Variants in DAPK3 observed in about 807,000 individuals in gnomAD.
DAPK3 encodes the protein death associated protein kinase 3, also known as death-associated protein kinase 3.
A neutral mutation model predicts 30.6 loss-of-function variants in DAPK3; 24 were observed. The ratio of observed to expected loss-of-function variants is 0.78; its 90% confidence interval spans 0.57 to 1.10. The LOEUF is 1.10. DAPK3 is among the 50% of genes least tolerant of loss of function. The probability of loss-of-function intolerance (pLI) is 0.00; values close to 1 mark genes in which losing one functional copy is unlikely to be tolerated. For missense variants in DAPK3, 629 were observed against 657.3 expected, an observed-to-expected ratio of 0.96 and a Z score of 0.47; for synonymous variants, 341 against 284.0, an observed-to-expected ratio of 1.20 and a Z score of -2.02.
At chr19:3,963,787 A>T (rs947398683) in intron 5 of DAPK3, 84 bp downstream of exon 5, 47 of 1,233,796 alleles carry the variant, frequency 3.8e-5, no homozygotes, top group Non-Finnish European at 5.4e-5. Context: ...AACAGCAGCA[A>T]GGCCCCGCTT....
Position 3,969,777 on chromosome 19 carries a change from G to A in DAPK3, c.-42C>T. ...TCCAGCAGCTTCCACTCCAGGGAAA[G>A]TGCAGTCACCGCAGCCTGGAGATAG... On this transcript the variant is annotated 5_prime_UTR_variant, in exon 2 of 9. Coordinates refer to ENST00000545797, the MANE Select transcript of DAPK3 (RefSeq NM_001348.3). 2 of 1,494,758 alleles carry A rather than the reference G, an allele frequency of 1.3e-6. No homozygotes were observed. Among genetic ancestry groups the A allele is most frequent in the Non-Finnish European group, 9.3e-7 (1 of 1,074,838 alleles). 92.6% of individuals were successfully genotyped at this position (1,494,758 alleles called of 1,614,324 possible). A position where few individuals can be genotyped will look rare whatever the true frequency, so the allele number is the denominator to read the frequency against.
chr19:3,964,399 G>T, intron 3 of DAPK3, 26 bp from the exon 4 acceptor site: 1 of 1,602,178 alleles, frequency 6.2e-7, no homozygotes. Context: ...GCTCAGCAGG[G>T]AAAGCACGGG....
intron 6 of DAPK3, 122 bp from the exon 7 acceptor site, chr19:3,961,283 TCA>T: frequency 1.3e-6 from 1 of 799,802 alleles, no homozygotes; most frequent in Non-Finnish European, 2.1e-6. Context: ...CCTGGGCCAC[TCA>T]CACTCCTGAG....
chr19:3,958,871 G>A lies in DAPK3; in HGVS notation c.*230C>T, dbSNP rs1279429222. On this transcript the variant is annotated 3_prime_UTR_variant, in exon 9 of 9. Transcript: ENST00000545797. ...GTCCCAGGGTCACCGACGATGCAGGGGTGAAGGTGAAGGCCAGCGTGGAGG... is the reference window on the plus strand; with the variant it reads ...GTCCCAGGGTCACCGACGATGCAGGAGTGAAGGTGAAGGCCAGCGTGGAGG... 1.7e-6 allele frequency: 1 copy of A among 582,034 alleles called. No homozygotes were observed. Among genetic ancestry groups the A allele is most frequent in the Non-Finnish European group, 3.0e-6 (1 of 328,066 alleles). The allele number at this position is 582,034 out of a possible 1,614,324, so 36.1% of individuals were successfully genotyped here. A position where few individuals can be genotyped will look rare whatever the true frequency, so the allele number is the denominator to read the frequency against.
chr19:3,963,870 C>T lies in DAPK3; in HGVS notation c.602+1G>A, dbSNP rs1282474272. ...CCGGTGGGAGCAGGTGGTACACTCA[C>T]CACATGTCCGCCTCCAGGCCCAGCG... On this transcript the variant is annotated splice_donor_variant, in intron 5 of 8. Coordinates refer to ENST00000545797, the MANE Select transcript of DAPK3 (RefSeq NM_001348.3). LOFTEE classifies it high-confidence loss of function. 2 of 1,589,204 alleles carry T rather than the reference C, an allele frequency of 1.3e-6. No individual in the cohort carries two copies. Among genetic ancestry groups the T allele is most frequent in the African/African-American group, 1.3e-5 (1 of 74,346 alleles).
At chr19:3,968,241 T>C (rs867950789) in intron 2 of DAPK3, among the ~76,000 whole-genome samples, 2 of 152,158 alleles carry the variant, frequency 1.3e-5, no homozygotes, top group Non-Finnish European at 2.9e-5. Flanking sequence ...ACGCCTGTGA[T>C]CCCAGCACTT....
rs2039470144 is a variant in DAPK3 at position 3,958,975 on chromosome 19, G to A, written c.*126C>T. ...GCCTGGCTCCAGCTCCTCCCACTCCGCCTCCAGCCTGGTGGCGCTGGGCAA... is the reference window on the plus strand; with the variant it reads ...GCCTGGCTCCAGCTCCTCCCACTCCACCTCCAGCCTGGTGGCGCTGGGCAA... On this transcript the variant is annotated 3_prime_UTR_variant, in exon 9 of 9. Transcript: ENST00000545797. 4.7e-6 allele frequency: 3 copies of A among 637,796 alleles called. No homozygotes were observed. Among genetic ancestry groups the A allele is most frequent in the Non-Finnish European group, 2.6e-6 (1 of 380,946 alleles). 39.5% of individuals were successfully genotyped at this position (637,796 alleles called of 1,614,324 possible).
chr19:3,968,955 G>A (rs758250107), intron 2 of DAPK3, among the ~76,000 whole-genome samples: 53 of 152,224 alleles, frequency 3.5e-4, no homozygotes, highest in Non-Finnish European at 7.1e-4. Flanking sequence ...GCCCAGACAG[G>A]CAGGAAATCA....
At chr19:3,964,098 A>C in intron 4 of DAPK3, 146 bp downstream of exon 4, 2 of 851,454 alleles carry the variant, frequency 2.3e-6, no homozygotes, top group South Asian at 1.7e-5. Flanking sequence ...ATGGAGGCCC[A>C]GACCTCCCGC....
intron 2 of DAPK3, among the ~76,000 whole-genome samples, chr19:3,968,956 C>T (rs1226939606): frequency 2.0e-5 from 3 of 152,190 alleles, no homozygotes; most frequent in Non-Finnish European, 4.4e-5. Flanking sequence ...CCCAGACAGG[C>T]AGGAAATCAG....
Position 3,959,121 on chromosome 19 carries a change from C to T in DAPK3, c.1345G>A (p.Val449Met), listed in dbSNP as rs1435109615. ...RALEQEKLQGVECGLR is the reference protein window; with the variant it reads ...RALEQEKLQGMECGLR Reference sequence around the variant, plus strand: ...TGCGCCTAGCGCAGCCCGCACTCCACGCCCTGCAGCTTCTCCTGCTCCAGG... The same window carrying T: ...TGCGCCTAGCGCAGCCCGCACTCCATGCCCTGCAGCTTCTCCTGCTCCAGG... The change falls in exon 9 of 9, where the codon GTG becomes ATG. Residue 449 changes from valine (V) to methionine (M), a missense_variant. Coordinates refer to ENST00000545797, the MANE Select transcript of DAPK3 (RefSeq NM_001348.3). 2 of 1,565,626 alleles carry T rather than the reference C, an allele frequency of 1.3e-6. No individual in the cohort carries two copies. Among genetic ancestry groups the T allele is most frequent in the Non-Finnish European group, 8.6e-7 (1 of 1,159,890 alleles).
chr19:3,970,039 C>T (rs1421285057), intron 1 of DAPK3: 1 of 403,896 alleles, frequency 2.5e-6, no homozygotes, highest in East Asian at 4.2e-5. Flanking sequence ...TTGGTAACAG[C>T]CCCACTGGGC....
chr19:3,967,684 G>A (rs942668801), intron 2 of DAPK3, among the ~76,000 whole-genome samples: 5 of 152,218 alleles, frequency 3.3e-5, no homozygotes, highest in African/African-American at 9.6e-5. Context: ...GAACCCGGGA[G>A]GCGAAGATTG....
chr19:3,965,355 G>A (rs529569568), intron 2 of DAPK3, among the ~76,000 whole-genome samples: 13 of 152,304 alleles, frequency 8.5e-5, no homozygotes, highest in African/African-American at 3.1e-4. Context: ...GGTGGCTCAC[G>A]CCTGTAATCC....
In DAPK3 at chr19:3,965,846, TG is replaced by T. The variant is rs892654653; in HGVS notation, c.63-856del. Among the ~76,000 whole-genome samples, 15 of 151,974 alleles carry T rather than the reference TG, an allele frequency of 9.9e-5. 1 individual carries two copies. Among genetic ancestry groups the T allele is most frequent in the Non-Finnish European group, 1.3e-4 (9 of 67,998 alleles). On this transcript the variant is annotated intron_variant, in intron 2 of 8. Coordinates refer to ENST00000545797, the MANE Select transcript of DAPK3 (RefSeq NM_001348.3). The stretch of plus-strand genomic sequence containing the variant: ...CACCCAATTAATTTTTTTTTCTTTT[TG>T]TAAGGATGAGGTCTCACTATGTTGC...
intron 2 of DAPK3, among the ~76,000 whole-genome samples, 156 bp from the exon 3 acceptor site, chr19:3,965,147 G>A (rs2039564385): frequency 6.6e-6 from 1 of 152,172 alleles, no homozygotes; most frequent in Admixed American, 6.5e-5. Context: ...TGCAGACTCT[G>A]CGCCTTCTCA....
intron 6 of DAPK3, chr19:3,961,574 C>G (rs759772476): frequency 2.1e-6 from 1 of 473,494 alleles, no homozygotes. Context: ...CCCAGCCTGA[C>G]GCTGGGAGGG....
At chr19:3,969,060 C>T (rs953124755) in intron 2 of DAPK3, among the ~76,000 whole-genome samples, 6 of 152,224 alleles carry the variant, frequency 3.9e-5, no homozygotes, top group Non-Finnish European at 8.8e-5. Flanking sequence ...ACGCCCCTCC[C>T]TCCCCCCACT....
chr19:3,959,091 C>T lies in DAPK3; in HGVS notation c.*10G>A, dbSNP rs778841752. ...CCGGCTGTCCTGGGGCCTGGCCCAC[C>T]CCACTGCGCCTAGCGCAGCCCGCAC... On this transcript the variant is annotated 3_prime_UTR_variant, in exon 9 of 9. Transcript: ENST00000545797. The T allele has an allele frequency of 4.0e-6, 6 of 1,488,222 alleles. No homozygotes were observed. The Admixed American group carries it at 8.8e-5, about 22-fold the overall frequency. The allele number at this position is 1,488,222 out of a possible 1,614,324, so 92.2% of individuals were successfully genotyped here. A position where few individuals can be genotyped will look rare whatever the true frequency, so the allele number is the denominator to read the frequency against.
Sources: gnomAD v4.1 joint callset for allele counts (sites outside exome capture counted in the v4.1 genomes callset) on GRCh38, gnomAD v4.1.1 for gene constraint, MANE v1.5 for transcripts, NCBI Gene and HGNC (gene_info 2026-07-23, HGNC 2026-07-21) for gene names.